The following SPOCK3 variants were observed in gnomAD, a reference collection of about 807,000 sequenced individuals.
SPOCK3 encodes the protein SPARC (osteonectin), cwcv and kazal like domains proteoglycan 3, also known as testican-3.
In SPOCK3, 30 loss-of-function variants were observed where a neutral mutation model predicts 56.6. The ratio of observed to expected loss-of-function variants is 0.53; its 90% CI spans 0.40 to 0.72. The LOEUF is 0.72. Among genes scored for constraint, SPOCK3 ranks in the 30% least tolerant of loss-of-function variants. The pLI, the probability that SPOCK3 is intolerant of heterozygous loss-of-function variation, is 0.00. For missense variants in SPOCK3, 527 were observed against 530.0 expected, an observed-to-expected ratio of 0.99 and a Z score of 0.06; for synonymous variants, 196 against 183.3, an observed-to-expected ratio of 1.07 and a Z score of -0.56.
chr4:167,007,217 TGTATCTGTA>T (rs1381642702), intron 3 of SPOCK3, among the ~76,000 whole-genome samples: 1 of 152,164 alleles, frequency 6.6e-6, no homozygotes, highest in Non-Finnish European at 1.5e-5. Context: ...GTCATCCTTT[TGTATCTGTA>T]GAGTATTGGT....
At chr4:167,048,216 T>C (rs553106112) in intron 3 of SPOCK3, among the ~76,000 whole-genome samples, 1 of 152,054 alleles carries the variant, frequency 6.6e-6, no homozygotes, top group South Asian at 2.1e-4. Context: ...TAGTATTCAA[T>C]AGTAGAAGTA....
intron 6 of SPOCK3, among the ~76,000 whole-genome samples, chr4:166,799,505 G>C (rs1742317863): frequency 6.6e-6 from 1 of 152,138 alleles, no homozygotes; most frequent in Non-Finnish European, 1.5e-5. Context: ...TGCCATCTGT[G>C]ACTGTATCCT....
intron 4 of SPOCK3, among the ~76,000 whole-genome samples, chr4:166,948,016 C>G (rs1022140981): frequency 6.6e-6 from 1 of 152,130 alleles, no homozygotes; most frequent in Non-Finnish European, 1.5e-5. Flanking sequence ...CTCCCCATTC[C>G]TTCCTTCTTA....
chr4:167,212,365 C>T, intron 2 of SPOCK3, among the ~76,000 whole-genome samples: 1 of 151,808 alleles, frequency 6.6e-6, no homozygotes, highest in Non-Finnish European at 1.5e-5. Context: ...TCTCAGTCTC[C>T]TGAGTACCTG....
rs143271352 is a variant in SPOCK3 at position 166,800,746 on chromosome 4, C to T, written c.590-8457G>A. The stretch of plus-strand genomic sequence containing the variant: ...AAAAGTTTATAAAGTAAAAAAGTTA[C>T]AGTAGCCAAGGTTAATTTTGATTAG... On this transcript the variant is annotated intron_variant, in intron 6 of 10. Transcript: ENST00000357545. Among the ~76,000 whole-genome samples the T allele has an allele frequency of 1.8e-3, 279 of 152,118 alleles. No individual in the cohort carries two copies. In the South Asian group the frequency reaches 0.021, roughly 11 times the overall value.
intron 2 of SPOCK3, among the ~76,000 whole-genome samples, chr4:167,134,145 C>T (rs1762924031): frequency 6.7e-6 from 1 of 148,758 alleles, no homozygotes; most frequent in Non-Finnish European, 1.5e-5. Flanking sequence ...TCTCCTGTCT[C>T]AGCCTCCTGA....
At chr4:167,060,451 C>T (rs968757128) in intron 3 of SPOCK3, among the ~76,000 whole-genome samples, 1 of 151,946 alleles carries the variant, frequency 6.6e-6, no homozygotes, top group African/African-American at 2.4e-5. Flanking sequence ...TTATTTTGCT[C>T]ACTCCTCAGT....
intron 2 of SPOCK3, among the ~76,000 whole-genome samples, chr4:167,077,114 T>C (rs1757260739): frequency 6.6e-6 from 1 of 151,932 alleles, no homozygotes; most frequent in Non-Finnish European, 1.5e-5. Flanking sequence ...AGATTTCTCA[T>C]TTCATTTTAT....
intron 4 of SPOCK3, among the ~76,000 whole-genome samples, chr4:166,928,138 A>G (rs1460737358): frequency 2.0e-5 from 3 of 152,198 alleles, no homozygotes; most frequent in Non-Finnish European, 1.5e-5. Flanking sequence ...GGAATGCAAA[A>G]TGATACAGCA....
chr4:166,794,567 A>G (rs1296426105), intron 6 of SPOCK3, among the ~76,000 whole-genome samples: 1 of 152,072 alleles, frequency 6.6e-6, no homozygotes, highest in Admixed American at 6.5e-5. Context: ...TTTTAAAATT[A>G]AAAAAACAAT....
Position 167,154,215 on chromosome 4 carries a change from C to A in SPOCK3, c.189+79770G>T. ...TCACACACACATACACACACATGCA[C>A]GCGTGCACACACACACACAATGTTT... On this transcript the variant is annotated intron_variant, in intron 2 of 10. Coordinates refer to ENST00000357545, the MANE Select transcript of SPOCK3 (RefSeq NM_001040159.2). Among the ~76,000 whole-genome samples the A allele has an allele frequency of 1.3e-5, 2 of 152,114 alleles. 1 individual carries two copies. The highest frequency in any genetic ancestry group is 6.8e-3 in the Middle Eastern group (2 of 294).
At chr4:167,049,768 C>T (rs1472843287) in intron 3 of SPOCK3, among the ~76,000 whole-genome samples, 1 of 152,102 alleles carries the variant, frequency 6.6e-6, no homozygotes, top group African/African-American at 2.4e-5. Context: ...ACAAACACCT[C>T]ATATCCTCTC....
At chr4:166,998,802 T>C (rs1245431207) in intron 4 of SPOCK3, among the ~76,000 whole-genome samples, 1 of 152,158 alleles carries the variant, frequency 6.6e-6, no homozygotes, top group African/African-American at 2.4e-5. Context: ...TAAACTGACT[T>C]AGTCTCTGTA....
intron 2 of SPOCK3, among the ~76,000 whole-genome samples, chr4:167,191,006 T>C (rs1203051537): frequency 6.9e-6 from 1 of 145,910 alleles, no homozygotes; most frequent in African/African-American, 2.6e-5. Context: ...CAGAACATAC[T>C]GTTTCGATTA....
At chr4:167,080,162 A>C (rs1362571040) in intron 2 of SPOCK3, among the ~76,000 whole-genome samples, 1 of 152,046 alleles carries the variant, frequency 6.6e-6, no homozygotes, top group Non-Finnish European at 1.5e-5. Flanking sequence ...AGAACTCTAT[A>C]TGTCCCTAAT....
chr4:167,164,109 C>G (rs1236563809), intron 2 of SPOCK3, among the ~76,000 whole-genome samples: 3 of 152,128 alleles, frequency 2.0e-5, no homozygotes, highest in East Asian at 3.9e-4. Flanking sequence ...CAAAACTATT[C>G]AGACTTGTCC....
chr4:167,206,356 A>G (rs1353063382), intron 2 of SPOCK3, among the ~76,000 whole-genome samples: 1 of 152,092 alleles, frequency 6.6e-6, no homozygotes, highest in Admixed American at 6.6e-5. Flanking sequence ...ATGTTTATGT[A>G]TGTTGCATAC....
At chr4:167,007,402 C>A (rs1292486807) in intron 3 of SPOCK3, among the ~76,000 whole-genome samples, 1 of 151,942 alleles carries the variant, frequency 6.6e-6, no homozygotes, top group Non-Finnish European at 1.5e-5. Flanking sequence ...AGTTGGTATA[C>A]TATATTTATT....
intron 4 of SPOCK3, among the ~76,000 whole-genome samples, chr4:166,937,626 T>G (rs934656290): frequency 6.7e-6 from 1 of 149,540 alleles, no homozygotes; most frequent in African/African-American, 2.4e-5. Flanking sequence ...AAAAGAGAAA[T>G]TTCTTCAAGC....
Sources: allele counts gnomAD v4.1 joint callset (sites outside exome capture counted in the v4.1 genomes callset), GRCh38; gene constraint gnomAD v4.1.1; transcripts MANE v1.5; gene names NCBI Gene and HGNC (gene_info 2026-07-23, HGNC 2026-07-21).